Variants in ARPC2 observed in about 807,000 individuals in gnomAD.
The protein encoded by ARPC2 is actin-related protein 2/3 complex subunit 2.
Under a neutral mutation model 38.6 loss-of-function variants are expected in ARPC2, and 4 were observed. The ratio of observed to expected loss-of-function variants is 0.10; its 90% confidence interval spans 0.05 to 0.24. The LOEUF is 0.24. Among genes scored for constraint, ARPC2 ranks in the 10% least tolerant of loss-of-function variants. ARPC2 has a pLI of 1.00. For synonymous variants in ARPC2, 125 were observed against 140.8 expected, an observed-to-expected ratio of 0.89 and a Z score of 0.79; for missense variants, 229 against 387.3, an observed-to-expected ratio of 0.59 and a Z score of 3.43.
Position 218,254,161 on chromosome 2 carries a change from C to T in ARPC2, c.*246C>T. The T allele has an allele frequency of 2.1e-6, 1 of 478,372 alleles. No individual in the cohort carries two copies. 29.6% of individuals were successfully genotyped at this position (478,372 alleles called of 1,614,324 possible). A position where few individuals can be genotyped will look rare whatever the true frequency, so the allele number is the denominator to read the frequency against. On this transcript the variant is annotated 3_prime_UTR_variant, in exon 11 of 11. Coordinates refer to ENST00000315717, the MANE Select transcript of ARPC2 (RefSeq NM_152862.3). Reference sequence around the variant, plus strand: ...GATCAACTTAATTCCTTTTCTTTATCTTCCCTCCCTCACTTCCCTTTTCTC... The same window carrying T: ...GATCAACTTAATTCCTTTTCTTTATTTTCCCTCCCTCACTTCCCTTTTCTC...
intron 8 of ARPC2, among the ~76,000 whole-genome samples, chr2:218,247,307 T>TATG (rs1690064663): frequency 6.6e-6 from 1 of 152,212 alleles, no homozygotes; most frequent in South Asian, 2.1e-4. Context: ...ACTGGCTGAT[T>TATG]ATGATAGCTT....
intron 3 of ARPC2, among the ~76,000 whole-genome samples, chr2:218,227,679 C>T (rs537698058): frequency 1.3e-5 from 2 of 152,132 alleles, no homozygotes; most frequent in South Asian, 4.2e-4. Context: ...CAACCTCCAC[C>T]CCCCGGGTTC....
intron 2 of ARPC2, among the ~76,000 whole-genome samples, 176 bp from the exon 3 acceptor site, chr2:218,225,744 G>C (rs189766000): frequency 1.5e-4 from 23 of 152,270 alleles, no homozygotes; most frequent in African/African-American, 5.3e-4. Flanking sequence ...TCTACTTAAA[G>C]CAAGTCCAAA....
Position 218,234,623 on chromosome 2 carries a change from A to G in ARPC2, c.268+226A>G, listed in dbSNP as rs1689724260. On this transcript the variant is annotated intron_variant, in intron 5 of 10. Coordinates refer to ENST00000315717, the MANE Select transcript of ARPC2 (RefSeq NM_152862.3). ...AAAATTGATGTGTGACATTTTTAACATTTACTTGATGGGGCCACATGACTC... is the reference window on the plus strand; with the variant it reads ...AAAATTGATGTGTGACATTTTTAACGTTTACTTGATGGGGCCACATGACTC... 7.2e-6 allele frequency: 4 copies of G among 556,524 alleles called. No homozygotes were observed. In the South Asian group the frequency reaches 8.3e-5, roughly 12 times the overall value. The allele number at this position is 556,524 out of a possible 1,614,324, so 34.5% of individuals were successfully genotyped here. A position where few individuals can be genotyped will look rare whatever the true frequency, so the allele number is the denominator to read the frequency against.
chr2:218,253,966 G>T lies in ARPC2; in HGVS notation c.*51G>T. ...CTGGCAACTGAAGGCTGGAACACTT[G>T]CTACTGGATAATCGTAGCTTTTAAT... On this transcript the variant is annotated 3_prime_UTR_variant, in exon 11 of 11. Coordinates refer to ENST00000315717, the MANE Select transcript of ARPC2 (RefSeq NM_152862.3). 3.7e-6 allele frequency: 6 copies of T among 1,608,698 alleles called. No homozygotes were observed. The highest frequency in any genetic ancestry group is 5.1e-6 in the Non-Finnish European group (6 of 1,175,456).
chr2:218,237,982 C>T (rs1344820090), intron 5 of ARPC2, among the ~76,000 whole-genome samples: 3 of 152,216 alleles, frequency 2.0e-5, no homozygotes, highest in African/African-American at 7.2e-5. Context: ...CACGTCACTT[C>T]TTTGAATCTC....
chr2:218,230,441 G>C (rs1305352520), intron 4 of ARPC2, among the ~76,000 whole-genome samples: 4 of 151,608 alleles, frequency 2.6e-5, no homozygotes, highest in African/African-American at 9.7e-5. Flanking sequence ...ACAGGCACGT[G>C]CCACCACACC....
At chr2:218,233,627 A>C (rs1315145394) in intron 4 of ARPC2, 1 of 151,286 alleles carries the variant, frequency 6.6e-6, no homozygotes, top group Non-Finnish European at 1.5e-5. Context: ...GTAATTTTAA[A>C]GCATACAAGA....
chr2:218,219,305 G>C (rs1275393761), intron 2 of ARPC2, among the ~76,000 whole-genome samples: 1 of 151,314 alleles, frequency 6.6e-6, no homozygotes, highest in African/African-American at 2.4e-5. Flanking sequence ...TAACCATTTC[G>C]GAGGGATTAA....
intron 8 of ARPC2, among the ~76,000 whole-genome samples, chr2:218,248,238 G>A (rs928625192): frequency 2.6e-5 from 4 of 152,210 alleles, no homozygotes; most frequent in Non-Finnish European, 5.9e-5. Flanking sequence ...AAGTATAGTT[G>A]TCTTCTGTTG....
chr2:218,241,802 A>G (rs1442184316), intron 7 of ARPC2, among the ~76,000 whole-genome samples: 3 of 152,260 alleles, frequency 2.0e-5, no homozygotes, highest in African/African-American at 7.2e-5. Context: ...ATCTCTGGAT[A>G]GTAACTGGCC....
chr2:218,231,334 T>C (rs1050761301), intron 4 of ARPC2, among the ~76,000 whole-genome samples: 3 of 152,172 alleles, frequency 2.0e-5, no homozygotes, highest in Admixed American at 6.5e-5. Flanking sequence ...AGCAAAGCAG[T>C]TGAACATGAT....
At chr2:218,233,263 G>A (rs1689682328) in intron 4 of ARPC2, 1 of 152,062 alleles carries the variant, frequency 6.6e-6, no homozygotes, top group African/African-American at 2.4e-5. Flanking sequence ...TGAGGCAGGA[G>A]AATCGCTTGA....
At chr2:218,238,927 T>G in intron 6 of ARPC2, 77 bp downstream of exon 6, 1 of 1,204,810 alleles carries the variant, frequency 8.3e-7, no homozygotes, top group African/African-American at 1.5e-5. Flanking sequence ...AAATATGGCT[T>G]GGTCAAACTT....
rs114566878 is a variant in ARPC2, at chr2:218,251,151, C to T, written c.878+1230C>T. 4.5e-3 allele frequency among the ~76,000 whole-genome samples: 688 copies of T among 152,190 alleles called. 3 individuals are homozygous for T. The highest frequency in any genetic ancestry group is 0.016 in the African/African-American group (648 of 41,508). ...AAGTCTTGAGGTCATAAGCCTCCCT[C>T]ACAGCCAGTGTTATTTGCCAGCACC... is the stretch of plus-strand genomic sequence containing the variant. On this transcript the variant is annotated intron_variant, in intron 10 of 10. Transcript: ENST00000315717.
chr2:218,248,781 G>A (rs1174791755), intron 8 of ARPC2, among the ~76,000 whole-genome samples: 2 of 152,190 alleles, frequency 1.3e-5, no homozygotes, highest in Admixed American at 1.3e-4. Context: ...TCTTTAGGTG[G>A]CTGGTGTCAC....
chr2:218,235,726 C>G (rs1171789498), intron 5 of ARPC2: 1 of 152,224 alleles, frequency 6.6e-6, no homozygotes, highest in Non-Finnish European at 1.5e-5. Context: ...CTACCTCCCA[C>G]TAAATCATAG....
At chr2:218,245,271 A>G in intron 7 of ARPC2, 149 bp from the exon 8 acceptor site, 2 of 913,662 alleles carry the variant, frequency 2.2e-6, no homozygotes, top group South Asian at 1.6e-5. Flanking sequence ...AGCACTTGTC[A>G]TATTTCAGGT....
At chr2:218,251,576 C>A (rs545741967) in intron 10 of ARPC2, among the ~76,000 whole-genome samples, 31 of 152,234 alleles carry the variant, frequency 2.0e-4, no homozygotes, top group Non-Finnish European at 4.1e-4. Flanking sequence ...ATCTCAGCCC[C>A]CCAAGTAGCT....
Sources: gnomAD v4.1 joint callset for allele counts (sites outside exome capture counted in the v4.1 genomes callset) on GRCh38, gnomAD v4.1.1 for gene constraint, MANE v1.5 for transcripts, NCBI Gene and HGNC (gene_info 2026-07-23, HGNC 2026-07-21) for gene names.